The following KDM5A variants were observed in gnomAD, a reference collection of about 807,000 sequenced individuals.
KDM5A encodes the protein lysine-specific demethylase 5A.
KDM5A carries 42 observed loss-of-function variants against 193.5 expected under a neutral mutation model. The observed-to-expected ratio is 0.22, with a 90% CI of 0.17 to 0.28. The LOEUF (loss-of-function observed/expected upper bound fraction) is 0.28. Ranked by LOEUF, KDM5A falls within the 10% of genes least tolerant of loss-of-function variation. The pLI, the probability that KDM5A is intolerant of heterozygous loss-of-function variation, is 1.00. For missense variants in KDM5A, 1,692 were observed against 2,055.1 expected, an observed-to-expected ratio of 0.82 and a Z score of 3.42; for synonymous variants, 796 against 718.1, an observed-to-expected ratio of 1.11 and a Z score of -1.73.
rs990644932 is a variant in KDM5A at position 282,058 on chromosome 12, A to G, written c.*3398T>C. ...AGCTCAGCCTGCACAGAAGCGCAGA[A>G]GCAAAGCCCAGGCAGAACCATGCTA... On this transcript the variant is annotated 3_prime_UTR_variant, in exon 28 of 28. Coordinates refer to ENST00000399788, the MANE Select transcript of KDM5A (RefSeq NM_001042603.3). 3.0e-6 allele frequency: 1 copy of G among 333,098 alleles called. No homozygotes were observed. The highest frequency in any genetic ancestry group is 2.1e-5 in the African/African-American group (1 of 46,666). 20.6% of individuals were successfully genotyped at this position (333,098 alleles called of 1,614,324 possible). A position where few individuals can be genotyped will look rare whatever the true frequency, so the allele number is the denominator to read the frequency against.
chr12:363,334 GAAC>G (rs1461419886), intron 4 of KDM5A, among the ~76,000 whole-genome samples: 1 of 151,926 alleles, frequency 6.6e-6, no homozygotes. Flanking sequence ...TTGAAAAAAA[GAAC>G]AAAAAACTTA....
chr12:296,365 C>T (rs112536497), intron 25 of KDM5A, among the ~76,000 whole-genome samples: 17 of 151,076 alleles, frequency 1.1e-4, no homozygotes, highest in African/African-American at 3.9e-4. Flanking sequence ...GAACATTAAT[C>T]TCTACTGAGT....
At chr12:368,505 C>A (rs1315459134) in intron 3 of KDM5A, among the ~76,000 whole-genome samples, 1 of 151,972 alleles carries the variant, frequency 6.6e-6, no homozygotes, top group Non-Finnish European at 1.5e-5. Context: ...CTGAGGCAGG[C>A]GGATCACCTG....
chr12:377,202 T>A (rs1218875300), intron 3 of KDM5A, among the ~76,000 whole-genome samples: 1 of 152,106 alleles, frequency 6.6e-6, no homozygotes, highest in East Asian at 1.9e-4. Context: ...CAGCAGAGTT[T>A]GAAGAGAAGG....
Position 310,998 on chromosome 12 carries a change from C to T in KDM5A, c.3103G>A (p.Val1035Met), listed in dbSNP as rs780874890. 1 of 1,614,216 alleles carries T rather than the reference C, an allele frequency of 6.2e-7. No individual in the cohort carries two copies. Among genetic ancestry groups the T allele is most frequent in the Middle Eastern group, 1.6e-4 (1 of 6,062 alleles). Residue 1035 changes from valine to methionine, a missense_variant, in exon 21 of 28, where the codon GTG (valine) becomes ATG (methionine). Val to Met is a conservative substitution (Grantham distance 21, BLOSUM62 1). This residue lies in a region of KDM5A where 965 missense variants were observed against 1,061.0 expected (regional missense o/e 0.91). Transcript: ENST00000399788. ...ACTTGCGGCAGTGCTTCAAGACGCA[C>T]AGGAATAGGGCGTCCTTTCGCAGAC... ...SLSAKGRPIP[V>M]RLEALPQVES...
At chr12:378,550 C>T (rs1944536914) in intron 3 of KDM5A, among the ~76,000 whole-genome samples, 1 of 152,084 alleles carries the variant, frequency 6.6e-6, no homozygotes, top group Admixed American at 6.5e-5. Context: ...CAAGTATGAG[C>T]CCACTATACC....
In KDM5A at chr12:321,222, T is replaced by C. The variant is rs1419516776; in HGVS notation, c.2427-113A>G. 4 of 768,196 alleles carry C rather than the reference T, an allele frequency of 5.2e-6. No homozygotes were observed. The African/African-American group carries it at 6.9e-5, about 13-fold the overall frequency. The allele number at this position is 768,196 out of a possible 1,614,324, so 47.6% of individuals were successfully genotyped here. On this transcript the variant is annotated intron_variant, in intron 17 of 27. Coordinates refer to ENST00000399788, the MANE Select transcript of KDM5A (RefSeq NM_001042603.3). ...CTAAGCAATCCTAGAATCCCAGTGT[T>C]TGAAGGATAACACCACAATGGTGAC...
chr12:369,776 C>A (rs1051297217), intron 3 of KDM5A, among the ~76,000 whole-genome samples: 1 of 152,100 alleles, frequency 6.6e-6, no homozygotes, highest in African/African-American at 2.4e-5. Flanking sequence ...AGGGAGGCAA[C>A]AGAAGCCCTC....
rs188360400 is a variant in KDM5A at position 360,666 on chromosome 12, T to C, written c.672+2297A>G. ...CTTAGCTCAAAGTTAGATTATAGAG[T>C]ATAAAAACTAAACAGATGTTGAGGA... On this transcript the variant is annotated intron_variant, in intron 5 of 27. Coordinates refer to ENST00000399788, the MANE Select transcript of KDM5A (RefSeq NM_001042603.3). Among the ~76,000 whole-genome samples, 415 of 152,054 alleles carry C rather than the reference T, an allele frequency of 2.7e-3. 2 individuals are homozygous for C. The highest frequency in any genetic ancestry group is 9.6e-3 in the African/African-American group (398 of 41,482).
In KDM5A at chr12:333,507, G is replaced by A. The variant is rs1943888541; in HGVS notation, c.1633C>T (p.Leu545=). The stretch of plus-strand genomic sequence containing the variant: ...CTCACAGGCACACCATGCTCCATTA[G>A]CACGTTGGGGTTCATGATGGTAACT... ...QLVTIMNPNV[L]MEHGVPVYRT... is the part of the protein sequence containing the mutation. Residue 545 remains leucine (L), a synonymous_variant, in exon 12 of 28, where the codon CTA becomes TTA. Coordinates refer to ENST00000399788, the MANE Select transcript of KDM5A (RefSeq NM_001042603.3). The A allele has an allele frequency of 6.2e-7, 1 of 1,614,174 alleles. No homozygotes were observed. The highest frequency in any genetic ancestry group is 8.5e-7 in the Non-Finnish European group (1 of 1,180,028).
chr12:291,443 A>G (rs974945784), intron 27 of KDM5A, among the ~76,000 whole-genome samples: 2 of 152,166 alleles, frequency 1.3e-5, no homozygotes, highest in Non-Finnish European at 2.9e-5. Context: ...CTAGGGTTCT[A>G]CTTTTGGTTT....
chr12:366,530 GAACTT>G (rs1237806107), intron 3 of KDM5A, among the ~76,000 whole-genome samples: 1 of 152,058 alleles, frequency 6.6e-6, no homozygotes, highest in Non-Finnish European at 1.5e-5. Flanking sequence ...GTAACTTACA[GAACTT>G]AACAAAAACG....
At chr12:360,230 T>C (rs1186275226) in intron 5 of KDM5A, among the ~76,000 whole-genome samples, 2 of 150,340 alleles carry the variant, frequency 1.3e-5, no homozygotes, top group African/African-American at 2.4e-5. Context: ...GCCAAGATCA[T>C]GCCACTGCAC....
chr12:310,234 G>A (rs1187843558), intron 21 of KDM5A, among the ~76,000 whole-genome samples: 1 of 152,190 alleles, frequency 6.6e-6, no homozygotes, highest in Non-Finnish European at 1.5e-5. Context: ...TCTCAAACCT[G>A]AAAGGATCTC....
Position 363,109 on chromosome 12 carries a change from G to C in KDM5A, c.538-12C>G, listed in dbSNP as rs372542454. The C allele has an allele frequency of 1.5e-5, 24 of 1,613,904 alleles. No homozygotes were observed. Among genetic ancestry groups the C allele is most frequent in the Non-Finnish European group, 1.9e-5 (23 of 1,179,936 alleles). The stretch of plus-strand genomic sequence containing the variant: ...GGCATCTGCACACCCTAAAAGATCA[G>C]AGCACAGAAAGAGAGCAGGTTCACT... On this transcript the variant is annotated splice_polypyrimidine_tract_variant and intron_variant, in intron 4 of 27. Transcript: ENST00000399788.
At chr12:366,976 C>T (rs929461451) in intron 3 of KDM5A, among the ~76,000 whole-genome samples, 13 of 152,304 alleles carry the variant, frequency 8.5e-5, no homozygotes, top group Middle Eastern at 3.4e-3. Flanking sequence ...CTACAGTATT[C>T]AGTAGAGTAA....
In KDM5A at chr12:284,589, C is replaced by A. The variant is rs145879157; in HGVS notation, c.*867G>T. ...AGTTTTCCCCGAAAAGCATGCATCA[C>A]TGTGGCTCAGTAAGATAGTACGACT... On this transcript the variant is annotated 3_prime_UTR_variant, in exon 28 of 28. Coordinates refer to ENST00000399788, the MANE Select transcript of KDM5A (RefSeq NM_001042603.3). The A allele has an allele frequency of 3.6e-3, 836 of 232,766 alleles. 4 individuals carry two copies. Among genetic ancestry groups the A allele is most frequent in the Non-Finnish European group, 6.2e-3 (732 of 117,542 alleles). The allele number at this position is 232,766 out of a possible 1,614,324, so 14.4% of individuals were successfully genotyped here. A position where few individuals can be genotyped will look rare whatever the true frequency, so the allele number is the denominator to read the frequency against.
At chr12:315,661 G>A (rs536800387) in intron 19 of KDM5A, among the ~76,000 whole-genome samples, 6 of 152,128 alleles carry the variant, frequency 3.9e-5, no homozygotes, top group African/African-American at 1.2e-4. Flanking sequence ...AAGAAAGTGA[G>A]AAGCACTGGG....
intron 1 of KDM5A, among the ~76,000 whole-genome samples, chr12:387,801 C>A (rs545934323): frequency 5.3e-5 from 8 of 152,152 alleles, no homozygotes; most frequent in African/African-American, 1.9e-4. Flanking sequence ...ATTAGTTCCT[C>A]CTCGCTGTCA....
Sources: allele counts gnomAD v4.1 joint callset (sites outside exome capture counted in the v4.1 genomes callset), GRCh38; gene constraint gnomAD v4.1.1; regional missense constraint gnomAD v4.1.1; transcripts MANE v1.5; gene names NCBI Gene and HGNC (gene_info 2026-07-23, HGNC 2026-07-21).